Variants in IL1RAPL2 observed in about 807,000 individuals in gnomAD.
IL1RAPL2 encodes the protein X-linked interleukin-1 receptor accessory protein-like 2.
In IL1RAPL2, 3 loss-of-function variants were observed where a neutral mutation model predicts 44.1. The ratio of observed to expected loss-of-function variants is 0.07; its 90% CI spans 0.03 to 0.18. The LOEUF (loss-of-function observed/expected upper bound fraction) is 0.18, where lower values mean the gene tolerates loss of function less well. Among genes scored for constraint, IL1RAPL2 ranks in the 10% least tolerant of loss-of-function variants. The probability of loss-of-function intolerance (pLI) is 1.00; values close to 1 mark genes in which losing one functional copy is unlikely to be tolerated. For missense variants in IL1RAPL2, 391 were observed against 496.4 expected (o/e 0.79, Z 2.02); for synonymous variants, 181 against 178.8 (o/e 1.01, Z -0.10).
intron 2 of IL1RAPL2, among the ~76,000 whole-genome samples, chrX:104,837,942 A>G (rs1921786697): frequency 8.9e-6 from 1 of 112,118 alleles, no homozygotes; most frequent in African/African-American, 3.2e-5. Flanking sequence ...AGTTTTCTAC[A>G]TATGGCTAAC....
chrX:105,606,415 A>C (rs1189990701), intron 6 of IL1RAPL2, among the ~76,000 whole-genome samples: 1 of 111,721 alleles, frequency 9.0e-6, no homozygotes, highest in Admixed American at 9.5e-5. Context: ...AATGCTTGTG[A>C]GGATGTGGAG....
intron 2 of IL1RAPL2, among the ~76,000 whole-genome samples, chrX:105,091,484 A>G (rs182878284): frequency 5.4e-4 from 60 of 111,267 alleles, no homozygotes; most frequent in African/African-American, 1.8e-3. Context: ...GATTGTTCCA[A>G]GATTAACACT....
intron 6 of IL1RAPL2, among the ~76,000 whole-genome samples, chrX:105,635,918 G>A (rs1241289470): frequency 9.0e-6 from 1 of 111,530 alleles, no homozygotes; most frequent in East Asian, 2.8e-4. Context: ...GAATGATTGT[G>A]AAATGAGTGG....
At position 105,653,974 on chromosome X, in the gene IL1RAPL2, CACAA is replaced by C. The variant is rs199872738; in HGVS notation, c.773-63389_773-63386del. 7.8e-4 allele frequency among the ~76,000 whole-genome samples: 86 copies of C among 110,255 alleles called. No homozygotes were observed. In the East Asian group the frequency reaches 0.014, roughly 17 times the overall value. On this transcript the variant is annotated intron_variant, in intron 6 of 10. Transcript: ENST00000372582. ...GTGTGTGTCTGTGTATGTGCACACA[CACAA>C]ACACACACACACACGCACACACCCT...
chrX:104,825,837 C>G (rs1402517835), intron 2 of IL1RAPL2, among the ~76,000 whole-genome samples: 1 of 111,890 alleles, frequency 8.9e-6, no homozygotes, highest in Non-Finnish European at 1.9e-5. Context: ...GTAGGTCATT[C>G]TTATGGTCTT....
At chrX:105,400,358 A>G (rs948625120) in intron 5 of IL1RAPL2, among the ~76,000 whole-genome samples, 1 of 111,370 alleles carries the variant, frequency 9.0e-6, no homozygotes, top group Admixed American at 9.6e-5. Flanking sequence ...ATAACCTTTC[A>G]TATTGTATAG....
At chrX:104,948,722 A>G (rs1925470772) in intron 2 of IL1RAPL2, among the ~76,000 whole-genome samples, 1 of 110,573 alleles carries the variant, frequency 9.0e-6, no homozygotes, top group South Asian at 4.0e-4. Context: ...GATTACGTTT[A>G]TTGATTTGTG....
At chrX:105,671,367 GTTGC>G (rs780106076) in intron 6 of IL1RAPL2, among the ~76,000 whole-genome samples, 7 of 112,194 alleles carry the variant, frequency 6.2e-5, no homozygotes, top group Non-Finnish European at 1.1e-4. Context: ...TATTCTAGGA[GTTGC>G]TTTTTATTTT....
intron 2 of IL1RAPL2, among the ~76,000 whole-genome samples, chrX:104,696,484 GA>G (rs1350587200): frequency 1.8e-5 from 2 of 111,943 alleles, no homozygotes; most frequent in African/African-American, 6.5e-5. Context: ...ATTAAAGTTT[GA>G]AAAACACTGA....
At chrX:104,794,141 T>G (rs769570351) in intron 2 of IL1RAPL2, among the ~76,000 whole-genome samples, 2 of 112,171 alleles carry the variant, frequency 1.8e-5, no homozygotes, top group South Asian at 3.7e-4. Flanking sequence ...ACTTCTCATG[T>G]AGCATAGGGG....
In IL1RAPL2 at chrX:105,491,848, T is replaced by C. The variant is rs1241640839; in HGVS notation, c.772+7461T>C. On this transcript the variant is annotated intron_variant, in intron 6 of 10. Coordinates refer to ENST00000372582, the MANE Select transcript of IL1RAPL2 (RefSeq NM_017416.2). ...TTTGTCTAAGTTTCTATAACAGCTGTGCTTGTTTTGAGATTTTTAAGAATG... is the reference window on the plus strand; with the variant it reads ...TTTGTCTAAGTTTCTATAACAGCTGCGCTTGTTTTGAGATTTTTAAGAATG... 2.1e-4 allele frequency among the ~76,000 whole-genome samples: 23 copies of C among 111,907 alleles called. 1 individual carries two copies. Among genetic ancestry groups the C allele is most frequent in the Non-Finnish European group, 2.1e-4 (11 of 53,175 alleles).
intron 3 of IL1RAPL2, among the ~76,000 whole-genome samples, chrX:105,221,868 C>T (rs991953317): frequency 1.8e-5 from 2 of 111,438 alleles, no homozygotes; most frequent in Non-Finnish European, 3.8e-5. Context: ...TTCATACCGA[C>T]CCTTAAAAAC....
At chrX:105,564,298 G>C (rs2036959577) in intron 6 of IL1RAPL2, among the ~76,000 whole-genome samples, 1 of 111,661 alleles carries the variant, frequency 9.0e-6, no homozygotes, top group African/African-American at 3.3e-5. Context: ...GAGAATTTCT[G>C]TGATTTTGTG....
chrX:104,840,499 T>C (rs972573194), intron 2 of IL1RAPL2, among the ~76,000 whole-genome samples: 8 of 111,632 alleles, frequency 7.2e-5, no homozygotes, highest in Non-Finnish European at 1.5e-4. Flanking sequence ...TGGTCAGTTT[T>C]ACAATAAGTG....
intron 5 of IL1RAPL2, among the ~76,000 whole-genome samples, chrX:105,325,568 TA>T (rs1569423956): frequency 4.1e-5 from 4 of 97,307 alleles, no homozygotes; most frequent in African/African-American, 1.5e-4. Context: ...TATATATATA[TA>T]TATATATACA....
chrX:105,191,807 T>G (rs145781260), intron 2 of IL1RAPL2, among the ~76,000 whole-genome samples: 75 of 112,281 alleles, frequency 6.7e-4, no homozygotes, highest in African/African-American at 2.1e-3. Flanking sequence ...CGTAGCAAGC[T>G]TCAGTCCAAC....
chrX:105,728,492 C>T (rs2038371513), intron 7 of IL1RAPL2, among the ~76,000 whole-genome samples: 1 of 111,592 alleles, frequency 9.0e-6, no homozygotes, highest in African/African-American at 3.2e-5. Context: ...AGTAAAACAC[C>T]TTTTGAAGAG....
At chrX:104,604,359 A>G (rs1304484763) in intron 1 of IL1RAPL2, among the ~76,000 whole-genome samples, 3 of 111,413 alleles carry the variant, frequency 2.7e-5, no homozygotes, top group Non-Finnish European at 5.6e-5. Context: ...AACATACCAA[A>G]TTGTAAAGAC....
chrX:105,498,083 G>A (rs1007430476), intron 6 of IL1RAPL2, among the ~76,000 whole-genome samples: 2 of 111,860 alleles, frequency 1.8e-5, no homozygotes, highest in African/African-American at 6.5e-5. Context: ...AGAAAAAAAG[G>A]CATTCAAATC....
Sources: allele counts gnomAD v4.1 joint callset (sites outside exome capture counted in the v4.1 genomes callset), GRCh38; gene constraint gnomAD v4.1.1; transcripts MANE v1.5; gene names NCBI Gene and HGNC (gene_info 2026-07-23, HGNC 2026-07-21).